Variants in DEFB107B observed in about 807,000 individuals in gnomAD.
DEFB107B encodes defensin beta 107B, also known as beta-defensin 107.
chr8:7,496,517 G>A (rs1200087324), intron 1 of DEFB107B, among the ~76,000 whole-genome samples: 13 of 152,050 alleles, frequency 8.5e-5, no homozygotes, highest in Non-Finnish European at 1.3e-4. Flanking sequence ...AGCCAGGATG[G>A]TCTTGATGTC....
At chr8:7,496,549 C>T (rs1320065987) in intron 1 of DEFB107B, among the ~76,000 whole-genome samples, 1 of 151,308 alleles carries the variant, frequency 6.6e-6, no homozygotes, top group African/African-American at 2.4e-5. Flanking sequence ...ATCCGCCCTC[C>T]TCGGCCTCCC....
chr8:7,496,288 T>G (rs1811728166), intron 1 of DEFB107B, among the ~76,000 whole-genome samples: 1 of 89,232 alleles, frequency 1.1e-5, no homozygotes, highest in South Asian at 3.5e-4. Flanking sequence ...GTTCAGCATA[T>G]TCTTTTTTTT....
chr8:7,496,510 C>CAGGAT (rs1811746379), intron 1 of DEFB107B, among the ~76,000 whole-genome samples: 1 of 152,020 alleles, frequency 6.6e-6, no homozygotes, highest in South Asian at 2.1e-4. Flanking sequence ...CCGTGTTAGC[C>CAGGAT]AGGATGGTCT....
intron 1 of DEFB107B, among the ~76,000 whole-genome samples, chr8:7,497,488 A>G (rs902755088): frequency 4.0e-5 from 6 of 151,890 alleles, no homozygotes; most frequent in South Asian, 2.1e-4. Context: ...TGTTTTGCAC[A>G]TTTGGAAATA....
At chr8:7,496,565 C>G (rs373563926) in intron 1 of DEFB107B, among the ~76,000 whole-genome samples, 3 of 150,220 alleles carry the variant, frequency 2.0e-5, no homozygotes, top group South Asian at 2.1e-4. Flanking sequence ...CTCCCAGAGC[C>G]CTGGGATTAC....
Position 7,498,943 on chromosome 8 carries a change from A to G in DEFB107B, c.70+2940A>G, listed in dbSNP as rs1328123806. Among the ~76,000 whole-genome samples, 2 of 21,706 alleles carry G rather than the reference A, an allele frequency of 9.2e-5. 1 individual carries two copies. Among genetic ancestry groups the G allele is most frequent in the Admixed American group, 1.2e-3 (2 of 1,688 alleles). The allele number at this position is 21,706 out of a possible 152,430, so 14.2% of individuals were successfully genotyped here. On this transcript the variant is annotated intron_variant, in intron 1 of 1. Transcript: ENST00000355602. ...TGTTGAGTACACCTGCAGACTAACA[A>G]CAGACAAAACAGGCACACAAGGATT...
intron 1 of DEFB107B, among the ~76,000 whole-genome samples, chr8:7,496,459 C>G (rs2737612): frequency 0.18 from 22,950 of 127,492 alleles, 34 homozygotes; most frequent in East Asian, 0.23. Flanking sequence ...GCCACCACGC[C>G]TGGCTAATTT....
chr8:7,498,965 G>A (rs548556946), intron 1 of DEFB107B, among the ~76,000 whole-genome samples: 381 of 21,500 alleles, frequency 0.018, 140 homozygotes, highest in Middle Eastern at 0.048. Flanking sequence ...GGCACACAAG[G>A]ATTAATATGA....
intron 1 of DEFB107B, among the ~76,000 whole-genome samples, chr8:7,508,118 T>A (rs1811989198): frequency 7.6e-6 from 1 of 131,012 alleles, no homozygotes; most frequent in South Asian, 2.4e-4. Flanking sequence ...CGTGTGTGTC[T>A]CAACTGATTG....
chr8:7,497,434 G>C (rs1438875957), intron 1 of DEFB107B, among the ~76,000 whole-genome samples: 2,264 of 148,160 alleles, frequency 0.015, 4 homozygotes, highest in Non-Finnish European at 0.023. Context: ...TGGAAACTTG[G>C]TTCTAACTAG....
chr8:7,508,187 G>A (rs1004999939), intron 1 of DEFB107B, among the ~76,000 whole-genome samples: 1 of 140,604 alleles, frequency 7.1e-6, no homozygotes, highest in Non-Finnish European at 1.5e-5. Context: ...GTTCAACTTT[G>A]GACTATTCAA....
intron 1 of DEFB107B, among the ~76,000 whole-genome samples, chr8:7,507,810 A>C (rs1421873909): frequency 7.0e-6 from 1 of 143,102 alleles, no homozygotes; most frequent in Non-Finnish European, 1.5e-5. Context: ...TCATGTGGAC[A>C]TATAGAAATA....
chr8:7,507,885 G>A (rs1296216072), intron 1 of DEFB107B, among the ~76,000 whole-genome samples: 1 of 146,602 alleles, frequency 6.8e-6, no homozygotes, highest in African/African-American at 2.7e-5. Flanking sequence ...GAGGTTCTAT[G>A]ACTAAAAGTC....
At chr8:7,496,138 C>T (rs1478941964) in intron 1 of DEFB107B, 135 bp downstream of exon 1, 2 of 71,084 alleles carry the variant, frequency 2.8e-5, no homozygotes, top group African/African-American at 6.8e-5. Flanking sequence ...TGAGCTCCGA[C>T]ACAAAACAAT....
rs1812023206 is a variant in DEFB107B at position 7,509,250 on chromosome 8, AAG to A, written c.*30_*31del. 6.8e-6 allele frequency: 2 copies of A among 293,194 alleles called. No individual in the cohort carries two copies. Among genetic ancestry groups the A allele is most frequent in the African/African-American group, 1.2e-4 (2 of 17,214 alleles). The allele number at this position is 293,194 out of a possible 1,614,324, so 18.2% of individuals were successfully genotyped here. On this transcript the variant is annotated 3_prime_UTR_variant, in exon 2 of 2. Transcript: ENST00000355602. Reference sequence around the variant, plus strand: ...AACTAAGCACCAGCTGCAAGAAACAAAGAGGTGAAGATTCTCTGGCTGCGATA... The same window carrying A: ...AACTAAGCACCAGCTGCAAGAAACAAAGGTGAAGATTCTCTGGCTGCGATA...
chr8:7,508,077 A>ATGTG (rs1392493404), intron 1 of DEFB107B, among the ~76,000 whole-genome samples: 2 of 13,548 alleles, frequency 1.5e-4, no homozygotes, highest in Non-Finnish European at 8.8e-4. Context: ...GTATATATAT[A>ATGTG]TATATATGTG....
chr8:7,495,914 C>G lies in DEFB107B; in HGVS notation c.-20C>G. ...GAGCTTGATTCCAGCTACTGCACTT[C>G]CTTCATCAGCTCTCCACTGATGCCT... On this transcript the variant is annotated 5_prime_UTR_variant, in exon 1 of 2. Transcript: ENST00000355602. 8.2e-6 allele frequency: 1 copy of G among 121,286 alleles called. No homozygotes were observed. Among genetic ancestry groups the G allele is most frequent in the Non-Finnish European group, 1.5e-5 (1 of 68,916 alleles). 7.5% of individuals were successfully genotyped at this position (121,286 alleles called of 1,614,324 possible). A position where few individuals can be genotyped will look rare whatever the true frequency, so the allele number is the denominator to read the frequency against.
chr8:7,507,802 A>G (rs1811975075), intron 1 of DEFB107B, among the ~76,000 whole-genome samples: 2 of 142,416 alleles, frequency 1.4e-5, no homozygotes, highest in South Asian at 4.3e-4. Context: ...AAATTTGTTC[A>G]TGTGGACATA....
chr8:7,496,600 A>G (rs1311458493), intron 1 of DEFB107B, among the ~76,000 whole-genome samples: 1 of 145,260 alleles, frequency 6.9e-6, no homozygotes, highest in Non-Finnish European at 1.5e-5. Context: ...GCGCCTGGCC[A>G]GCATATTCTA....
Sources: allele counts gnomAD v4.1 joint callset (sites outside exome capture counted in the v4.1 genomes callset), GRCh38; gene constraint gnomAD v4.1.1; transcripts MANE v1.5; gene names NCBI Gene and HGNC (gene_info 2026-07-23, HGNC 2026-07-21).